ERC1: variants seen among roughly 807,000 people sequenced by gnomAD.
The protein encoded by ERC1 is ELKS/RAB6-interacting/CAST family member 1, also known as RAB6 interacting protein 2.
ERC1 carries 56 observed loss-of-function variants against 132.0 expected under a neutral mutation model. The ratio of observed to expected loss-of-function variants is 0.42; its 90% CI spans 0.34 to 0.53. The LOEUF is 0.53. ERC1 is among the 20% of genes least tolerant of loss of function. The pLI is 0.03. For synonymous variants in ERC1, 478 were observed against 476.1 expected (o/e 1.00, Z -0.05); for missense variants, 1,202 against 1,349.9 (o/e 0.89, Z 1.72).
At chr12:1,285,194 A>G (rs190354587) in intron 14 of ERC1, among the ~76,000 whole-genome samples, 36 of 152,338 alleles carry the variant, frequency 2.4e-4, no homozygotes, top group African/African-American at 8.2e-4. Context: ...TTGCATTTAT[A>G]TCTTGGCAAA....
At chr12:1,309,315 T>C (rs942170651) in intron 15 of ERC1, among the ~76,000 whole-genome samples, 3 of 152,216 alleles carry the variant, frequency 2.0e-5, no homozygotes, top group African/African-American at 7.2e-5. Context: ...ACTGTGTTTC[T>C]CAAAATTTAA....
intron 16 of ERC1, among the ~76,000 whole-genome samples, chr12:1,374,962 GAATT>G (rs895383482): frequency 1.1e-4 from 16 of 151,390 alleles, no homozygotes; most frequent in African/African-American, 3.1e-4. Context: ...CTGTGCATTA[GAATT>G]AATTGTCACA....
chr12:1,461,091 G>A (rs2154421682), intron 18 of ERC1, among the ~76,000 whole-genome samples: 1 of 146,934 alleles, frequency 6.8e-6, no homozygotes, highest in South Asian at 2.1e-4. Flanking sequence ...TAAGCAACAT[G>A]GAAAAAATTC....
At chr12:1,371,735 G>C in intron 15 of ERC1, 98 bp from the exon 16 acceptor site, 1 of 1,344,904 alleles carries the variant, frequency 7.4e-7, no homozygotes, top group South Asian at 1.6e-5. Flanking sequence ...TTGCTTTCTT[G>C]GTTTTATTAC....
chr12:1,413,398 A>G (rs1028665283), intron 17 of ERC1, among the ~76,000 whole-genome samples: 48 of 152,284 alleles, frequency 3.2e-4, no homozygotes, highest in African/African-American at 1.1e-3. Flanking sequence ...GTTTGAGACC[A>G]GGCTGGCCAG....
chr12:1,138,418 A>T lies in ERC1; in HGVS notation c.1570-3202A>T, dbSNP rs1949565686. On this transcript the variant is annotated intron_variant, in intron 7 of 18. Coordinates refer to ENST00000360905, the MANE Select transcript of ERC1 (RefSeq NM_178040.4). Reference sequence around the variant, plus strand: ...AATATATGTTATATATAATATATATAGAAATATTGGTAAGTTCTGTATAAT... The same window carrying T: ...AATATATGTTATATATAATATATATTGAAATATTGGTAAGTTCTGTATAAT... 4.8e-5 allele frequency among the ~76,000 whole-genome samples: 7 copies of T among 146,250 alleles called. No individual in the cohort carries two copies. The Admixed American group carries it at 4.9e-4, about 10-fold the overall frequency.
intron 15 of ERC1, among the ~76,000 whole-genome samples, chr12:1,335,952 G>A (rs922487276): frequency 1.3e-5 from 2 of 152,044 alleles, no homozygotes; most frequent in African/African-American, 4.8e-5. Flanking sequence ...TTCATTATGG[G>A]CCTGTTCAGG....
At chr12:1,281,807 T>G (rs961402297) in intron 14 of ERC1, among the ~76,000 whole-genome samples, 1 of 152,228 alleles carries the variant, frequency 6.6e-6, no homozygotes, top group African/African-American at 2.4e-5. Flanking sequence ...GTTTTGATGC[T>G]GTGCTGTCAA....
chr12:1,293,622 T>C (rs1436012256), intron 15 of ERC1, among the ~76,000 whole-genome samples: 1 of 148,942 alleles, frequency 6.7e-6, no homozygotes, highest in Non-Finnish European at 1.5e-5. Flanking sequence ...AGAGTGAAAC[T>C]CTGTCTCAAA....
chr12:1,020,118 A>AT (rs1028492649), intron 1 of ERC1, among the ~76,000 whole-genome samples: 17 of 152,272 alleles, frequency 1.1e-4, no homozygotes, highest in African/African-American at 3.4e-4. Context: ...ACAAGACTGT[A>AT]TTATCTCTTG....
intron 8 of ERC1, among the ~76,000 whole-genome samples, chr12:1,142,233 G>T (rs1949922266): frequency 2.0e-5 from 3 of 152,140 alleles, no homozygotes; most frequent in Admixed American, 2.0e-4. Flanking sequence ...AAATGTGTGT[G>T]TGTCTATTTC....
At chr12:1,120,379 T>C (rs1196883337) in intron 7 of ERC1, among the ~76,000 whole-genome samples, 1 of 152,206 alleles carries the variant, frequency 6.6e-6, no homozygotes, top group Non-Finnish European at 1.5e-5. Context: ...ATCTTTATTG[T>C]TTTATTTGCT....
chr12:1,489,795 C>T (rs1294019979), intron 18 of ERC1, among the ~76,000 whole-genome samples: 1 of 152,144 alleles, frequency 6.6e-6, no homozygotes, highest in Non-Finnish European at 1.5e-5. Context: ...CTCTCATGCA[C>T]GTTCATGAGC....
intron 2 of ERC1, among the ~76,000 whole-genome samples, chr12:1,029,337 T>C (rs1180540268): frequency 6.6e-6 from 1 of 152,086 alleles, no homozygotes; most frequent in Non-Finnish European, 1.5e-5. Context: ...GGAGTGAGAC[T>C]CTGTCTCAAA....
chr12:1,137,977 T>C (rs1259657642), intron 7 of ERC1, among the ~76,000 whole-genome samples: 2 of 129,868 alleles, frequency 1.5e-5, no homozygotes, highest in Non-Finnish European at 3.2e-5. Context: ...TATTATCATA[T>C]ATAGTATATA....
At chr12:1,011,811 G>T (rs1412646374) in intron 1 of ERC1, among the ~76,000 whole-genome samples, 1 of 151,992 alleles carries the variant, frequency 6.6e-6, no homozygotes, top group Non-Finnish European at 1.5e-5. Flanking sequence ...ACTGGATATG[G>T]TTGCAAATGC....
At chr12:1,346,698 T>G (rs1054660301) in intron 15 of ERC1, among the ~76,000 whole-genome samples, 1 of 151,402 alleles carries the variant, frequency 6.6e-6, no homozygotes, top group African/African-American at 2.4e-5. Context: ...ATCCCAGCAC[T>G]TTGGGAGGCC....
At chr12:1,229,674 G>T (rs1047329543) in intron 12 of ERC1, among the ~76,000 whole-genome samples, 11 of 152,078 alleles carry the variant, frequency 7.2e-5, no homozygotes, top group African/African-American at 2.4e-4. Flanking sequence ...TTTCATGTCT[G>T]ATTTTCTTTA....
intron 2 of ERC1, 117 bp downstream of exon 2, chr12:1,028,689 A>G (rs942147341): frequency 1.8e-5 from 16 of 887,820 alleles, no homozygotes; most frequent in Admixed American, 5.8e-5. Context: ...CCTTTTTCCT[A>G]TTGATTTTAC....
Sources: gnomAD v4.1 joint callset for allele counts (sites outside exome capture counted in the v4.1 genomes callset) on GRCh38, gnomAD v4.1.1 for gene constraint, MANE v1.5 for transcripts, NCBI Gene and HGNC (gene_info 2026-07-23, HGNC 2026-07-21) for gene names.